The following C10orf88 variants were observed in gnomAD, a reference collection of about 807,000 sequenced individuals.
C10orf88 encodes the protein chromosome 10 open reading frame 88.
In C10orf88, 29 loss-of-function variants were observed where a neutral mutation model predicts 34.2. The ratio of observed to expected loss-of-function variants is 0.85; its 90% CI spans 0.63 to 1.16. The LOEUF is 1.16. C10orf88 is among the 50% of genes most tolerant of loss of function. The probability of loss-of-function intolerance (pLI) is 0.00; values close to 1 mark genes in which losing one functional copy is unlikely to be tolerated. For synonymous variants in C10orf88, 194 were observed against 197.4 expected (o/e 0.98, Z 0.15); for missense variants, 507 against 533.2 (o/e 0.95, Z 0.48).
At chr10:122,946,278 GC>G (rs1336740668) in intron 4 of C10orf88, among the ~76,000 whole-genome samples, 1 of 152,042 alleles carries the variant, frequency 6.6e-6, no homozygotes, top group Non-Finnish European at 1.5e-5. Context: ...TTCTAGTCCT[GC>G]AAGTTCAGTT....
chr10:122,941,082 A>G (rs966372378), intron 4 of C10orf88, among the ~76,000 whole-genome samples: 9 of 152,182 alleles, frequency 5.9e-5, no homozygotes, highest in African/African-American at 1.9e-4. Context: ...TAATAATCAG[A>G]AAGAAATTAA....
intron 5 of C10orf88, among the ~76,000 whole-genome samples, chr10:122,936,184 G>C (rs551194397): frequency 7.2e-5 from 11 of 151,896 alleles, no homozygotes; most frequent in South Asian, 2.1e-4. Context: ...GAGTTTGGTT[G>C]GTAGTTTGTG....
intron 4 of C10orf88, among the ~76,000 whole-genome samples, chr10:122,947,477 T>A (rs1399747487): frequency 6.6e-6 from 1 of 152,192 alleles, no homozygotes; most frequent in African/African-American, 2.4e-5. Flanking sequence ...GAGTTTGAAG[T>A]CACTTTACCT....
intron 3 of C10orf88, among the ~76,000 whole-genome samples, 187 bp from the exon 4 acceptor site, chr10:122,949,042 A>G (rs1848666359): frequency 6.6e-6 from 1 of 152,234 alleles, no homozygotes; most frequent in South Asian, 2.1e-4. Context: ...TGAGGCTCAG[A>G]TGAACTATTT....
chr10:122,945,572 T>G (rs1848631613), intron 4 of C10orf88, among the ~76,000 whole-genome samples: 1 of 152,122 alleles, frequency 6.6e-6, no homozygotes, highest in Non-Finnish European at 1.5e-5. Flanking sequence ...ACAGTGATAC[T>G]TATGATCCTG....
chr10:122,935,656 A>T (rs1848528236), intron 5 of C10orf88, among the ~76,000 whole-genome samples: 1 of 151,894 alleles, frequency 6.6e-6, no homozygotes, highest in African/African-American at 2.4e-5. Flanking sequence ...TCATATTTAT[A>T]AAAAATCATG....
intron 3 of C10orf88, among the ~76,000 whole-genome samples, chr10:122,950,593 C>T (rs1042954624): frequency 1.3e-5 from 2 of 152,174 alleles, no homozygotes; most frequent in African/African-American, 4.8e-5. Context: ...TCTATTATCC[C>T]CCTTTCTCTT....
chr10:122,934,316 G>A (rs1034607413), intron 5 of C10orf88, among the ~76,000 whole-genome samples: 1 of 152,030 alleles, frequency 6.6e-6, no homozygotes, highest in Non-Finnish European at 1.5e-5. Context: ...TCTCCTCCCT[G>A]CTACCCCTCT....
chr10:122,937,586 T>C, intron 5 of C10orf88, 119 bp downstream of exon 5: 1 of 809,170 alleles, frequency 1.2e-6, no homozygotes, highest in Non-Finnish European at 1.9e-6. Context: ...ATGTAAAAGT[T>C]GCTAAAATTT....
intron 4 of C10orf88, among the ~76,000 whole-genome samples, chr10:122,942,045 A>G (rs1479549927): frequency 2.0e-5 from 3 of 152,166 alleles, no homozygotes; most frequent in African/African-American, 7.2e-5. Flanking sequence ...AAGAAAAATT[A>G]TTTATAAATA....
intron 4 of C10orf88, among the ~76,000 whole-genome samples, chr10:122,944,789 A>G (rs1190850447): frequency 6.6e-6 from 1 of 151,876 alleles, no homozygotes; most frequent in African/African-American, 2.4e-5. Context: ...TATCTTCAAT[A>G]TTCCTTTACA....
At chr10:122,937,459 C>T (rs917334039) in intron 5 of C10orf88, among the ~76,000 whole-genome samples, 5 of 152,028 alleles carry the variant, frequency 3.3e-5, no homozygotes, top group African/African-American at 1.2e-4. Context: ...TGAACTAATA[C>T]TTGTGACCCT....
Position 122,954,151 on chromosome 10 carries a change from G to C in C10orf88, c.28C>G (p.Leu10Val). 4 of 1,581,224 alleles carry C rather than the reference G, an allele frequency of 2.5e-6. No individual in the cohort carries two copies. Among genetic ancestry groups the C allele is most frequent in the Non-Finnish European group, 3.4e-6 (4 of 1,168,438 alleles). The change falls in exon 1 of 6, where the codon CTC (leucine) becomes GTC (valine). Residue 10 changes from leucine to valine, a missense_variant. By Grantham distance (32) the Leu-to-Val change is conservative. Coordinates refer to ENST00000481909, the MANE Select transcript of C10orf88 (RefSeq NM_024942.4). Reference sequence around the variant, plus strand: ...GAGGCCAGCGTGGGGCGGCGGGTGAGGCCCCCGTCCTCGGTCCGCGTCTCC... The same window carrying C: ...GAGGCCAGCGTGGGGCGGCGGGTGACGCCCCCGTCCTCGGTCCGCGTCTCC... METRTEDGGLTRRPTLASSW... is the reference protein window; with the variant it reads METRTEDGGVTRRPTLASSW...
At chr10:122,949,218 T>G (rs1459106863) in intron 3 of C10orf88, among the ~76,000 whole-genome samples, 2 of 152,194 alleles carry the variant, frequency 1.3e-5, no homozygotes, top group Non-Finnish European at 2.9e-5. Context: ...TTGCATATAG[T>G]ACCAACCCCT....
intron 3 of C10orf88, among the ~76,000 whole-genome samples, chr10:122,950,115 G>T (rs1479310846): frequency 6.6e-6 from 1 of 152,184 alleles, no homozygotes; most frequent in Non-Finnish European, 1.5e-5. Context: ...TTTAGAATCA[G>T]ACAAACCTAA....
Position 122,932,626 on chromosome 10 carries a change from T to G in C10orf88, c.1139A>C (p.Lys380Thr). 1 of 1,612,802 alleles carries G rather than the reference T, an allele frequency of 6.2e-7. No homozygotes were observed. Among genetic ancestry groups the G allele is most frequent in the South Asian group, 1.1e-5 (1 of 90,974 alleles). ...EEQSICSYLE[K>T]ILSKNMELME... ...CAGTTCCATATTTTTAGAAAGAATC[T>G]TTTCCAAGTAGGAGCAAATAGATTG... Residue 380 changes from lysine to threonine, a missense_variant, in exon 6 of 6, where the codon AAG becomes ACG. By Grantham distance (78) the Lys-to-Thr change is moderately conservative. Coordinates refer to ENST00000481909, the MANE Select transcript of C10orf88 (RefSeq NM_024942.4).
At chr10:122,935,135 GTCTTTCA>G (rs1848523054) in intron 5 of C10orf88, among the ~76,000 whole-genome samples, 1 of 151,898 alleles carries the variant, frequency 6.6e-6, no homozygotes, top group Non-Finnish European at 1.5e-5. Flanking sequence ...CCCTAACAGT[GTCTTTCA>G]TAAACAAAAG....
At position 122,937,581 on chromosome 10, in the gene C10orf88, A is replaced by C. The variant is rs899468735; in HGVS notation, c.1103+124T>G. ...TTAAGTGTATTAATGGTAAAATGTA[A>C]AAGTTGCTAAAATTTTCTCTGGAAA... On this transcript the variant is annotated intron_variant, in intron 5 of 5. Transcript: ENST00000481909. 5 of 773,354 alleles carry C rather than the reference A, an allele frequency of 6.5e-6. No homozygotes were observed. The African/African-American group carries it at 8.7e-5, about 14-fold the overall frequency. 47.9% of individuals were successfully genotyped at this position (773,354 alleles called of 1,614,324 possible). A position where few individuals can be genotyped will look rare whatever the true frequency, so the allele number is the denominator to read the frequency against.
chr10:122,950,458 T>C (rs567030121), intron 3 of C10orf88, among the ~76,000 whole-genome samples: 3 of 152,316 alleles, frequency 2.0e-5, no homozygotes, highest in African/African-American at 7.2e-5. Context: ...CAGGTCCACA[T>C]GTCAAACAAG....
Sources: gnomAD v4.1 joint callset for allele counts (sites outside exome capture counted in the v4.1 genomes callset) on GRCh38, gnomAD v4.1.1 for gene constraint, MANE v1.5 for transcripts, NCBI Gene and HGNC (gene_info 2026-07-23, HGNC 2026-07-21) for gene names.